Variants in TRPM3 observed in about 807,000 individuals in gnomAD.
TRPM3 encodes the protein long transient receptor potential channel 3.
TRPM3 carries 77 observed loss-of-function variants against 181.2 expected under a neutral mutation model. That is an observed-to-expected ratio of 0.42 (90% CI 0.35 to 0.51). The LOEUF is 0.51. Among genes scored for constraint, TRPM3 ranks in the 20% least tolerant of loss-of-function variants. The pLI is 0.01. For missense variants in TRPM3, 1,759 were observed against 2,196.7 expected (o/e 0.80, Z 3.98); for synonymous variants, 745 against 796.4 (o/e 0.94, Z 1.09).
chr9:71,326,995 A>G (rs2089735483), intron 1 of TRPM3, among the ~76,000 whole-genome samples: 1 of 152,130 alleles, frequency 6.6e-6, no homozygotes, highest in Admixed American at 6.5e-5. Flanking sequence ...TCTCTAGATA[A>G]GGCTGCATGG....
chr9:71,441,635 T>C (rs1240424597), intron 1 of TRPM3, among the ~76,000 whole-genome samples: 1 of 151,160 alleles, frequency 6.6e-6, no homozygotes, highest in East Asian at 1.9e-4. Context: ...CTCGGCTTTT[T>C]TTTTTTTTTT....
rs145767797 is a variant in TRPM3 at position 71,007,239 on chromosome 9, G to A, written c.177+113939C>T. On this transcript the variant is annotated intron_variant, in intron 1 of 25. Transcript: ENST00000677713. ...AAATATTAACAGACCTAAAAGGAGA[G>A]ATTGACTATAAAACACTAACAGTGT... is the stretch of plus-strand genomic sequence containing the variant. 2.0e-3 allele frequency among the ~76,000 whole-genome samples: 306 copies of A among 151,614 alleles called. 2 individuals are homozygous for A. The highest frequency in any genetic ancestry group is 7.2e-3 in the African/African-American group (298 of 41,386).
intron 1 of TRPM3, among the ~76,000 whole-genome samples, chr9:70,897,879 A>T (rs1479957152): frequency 6.6e-6 from 1 of 152,220 alleles, no homozygotes; most frequent in African/African-American, 2.4e-5. Context: ...GAAGGGTCAG[A>T]CTGGTAAATT....
In TRPM3 at chr9:70,618,872, G is replaced by C; in HGVS notation, c.2353C>G (p.Leu785Val). 6.2e-7 allele frequency: 1 copy of C among 1,605,260 alleles called. No individual in the cohort carries two copies. The highest frequency in any genetic ancestry group is 8.5e-7 in the Non-Finnish European group (1 of 1,179,936). ...GRLRMRKNSG[L>V]KVILGILLPP... ...GCCTTATTGGGCGCCCTGACCTTGA[G>C]GCCTGAGTTCTTGCGCATGCGGAGC... Residue 785 changes from leucine (L) to valine (V), a missense_variant, in exon 17 of 26, where the codon CTC (leucine) becomes GTC (valine). Transcript: ENST00000677713.
chr9:70,764,670 G>A (rs971730177), intron 7 of TRPM3, among the ~76,000 whole-genome samples: 3 of 152,134 alleles, frequency 2.0e-5, no homozygotes, highest in Non-Finnish European at 4.4e-5. Context: ...TTCTAGAAGT[G>A]GAAGGATTCT....
At chr9:70,805,590 A>C (rs1346596352) in intron 6 of TRPM3, among the ~76,000 whole-genome samples, 1 of 151,794 alleles carries the variant, frequency 6.6e-6, no homozygotes, top group African/African-American at 2.4e-5. Context: ...ACCAGGTGGA[A>C]AGGGTCTTGG....
intron 1 of TRPM3, among the ~76,000 whole-genome samples, chr9:71,104,835 T>C (rs76577919): frequency 6.6e-6 from 1 of 152,228 alleles, no homozygotes; most frequent in African/African-American, 2.4e-5. Context: ...AAAAAGACAA[T>C]GCCAACTGGT....
chr9:71,141,914 G>T (rs1302855715), intron 1 of TRPM3, among the ~76,000 whole-genome samples: 1 of 151,988 alleles, frequency 6.6e-6, no homozygotes, highest in African/African-American at 2.4e-5. Context: ...TGTTTTGATT[G>T]CTTCTGAAAT....
At chr9:70,841,493 G>GAAAATA (rs572100193) in intron 5 of TRPM3, among the ~76,000 whole-genome samples, 1 of 150,244 alleles carries the variant, frequency 6.7e-6, no homozygotes, top group African/African-American at 2.4e-5. Flanking sequence ...TTTTATTAAG[G>GAAAATA]AAAATAAATC....
intron 8 of TRPM3, among the ~76,000 whole-genome samples, chr9:70,756,043 T>G (rs185329374): frequency 6.6e-6 from 1 of 151,994 alleles, no homozygotes; most frequent in Admixed American, 6.6e-5. Context: ...CTCATCGGTA[T>G]GCTGTATTCT....
intron 1 of TRPM3, among the ~76,000 whole-genome samples, chr9:71,158,429 T>C (rs1362654521): frequency 6.6e-6 from 1 of 152,170 alleles, no homozygotes; most frequent in African/African-American, 2.4e-5. Flanking sequence ...CCACTAGCTG[T>C]AGACCTGTTA....
rs184955936 is a variant in TRPM3 at position 71,021,287 on chromosome 9, T to C, written c.177+99891A>G. Among the ~76,000 whole-genome samples, 14 of 152,306 alleles carry C rather than the reference T, an allele frequency of 9.2e-5. No individual in the cohort carries two copies. In the East Asian group the frequency reaches 2.1e-3, roughly 23 times the overall value. On this transcript the variant is annotated intron_variant, in intron 1 of 25. Transcript: ENST00000677713. ...GGAGGTGCTGGTATTGTTTTATTTA[T>C]GGTGAAAACTTATTAAGCTATGCAG...
intron 1 of TRPM3, among the ~76,000 whole-genome samples, chr9:71,006,854 G>T (rs1721744217): frequency 1.5e-5 from 2 of 134,836 alleles, no homozygotes; most frequent in African/African-American, 2.8e-5. Flanking sequence ...CTGGGCGACA[G>T]AGCGAGACTC....
chr9:70,630,310 A>G (rs1024579237), intron 12 of TRPM3, among the ~76,000 whole-genome samples: 2 of 152,222 alleles, frequency 1.3e-5, no homozygotes, highest in African/African-American at 2.4e-5. Context: ...CTGTATGACC[A>G]CTACTTGGCA....
intron 7 of TRPM3, among the ~76,000 whole-genome samples, chr9:70,768,106 C>T (rs1016755561): frequency 1.3e-5 from 2 of 152,156 alleles, no homozygotes; most frequent in Non-Finnish European, 2.9e-5. Context: ...ATAAACTGCT[C>T]TTTTCCATAT....
intron 12 of TRPM3, among the ~76,000 whole-genome samples, chr9:70,630,284 A>G (rs11142518): frequency 0.16 from 24,809 of 152,216 alleles, 2,577 homozygotes; most frequent in East Asian, 0.4. Context: ...GATTCTGTCT[A>G]TTTCTAAAAA....
At chr9:71,258,451 A>T (rs1588163236) in intron 1 of TRPM3, among the ~76,000 whole-genome samples, 1 of 152,166 alleles carries the variant, frequency 6.6e-6, no homozygotes. Flanking sequence ...TCTATCATTT[A>T]TATTTTTTTA....
chr9:70,619,301 A>G (rs1321461479), intron 16 of TRPM3, among the ~76,000 whole-genome samples: 3 of 152,022 alleles, frequency 2.0e-5, no homozygotes, highest in African/African-American at 7.2e-5. Context: ...TGGGGGTATA[A>G]GTCAAACAAT....
At chr9:71,315,640 A>G (rs1047838151) in intron 1 of TRPM3, among the ~76,000 whole-genome samples, 5 of 152,212 alleles carry the variant, frequency 3.3e-5, no homozygotes, top group South Asian at 2.1e-4. Flanking sequence ...ATTTATTAAA[A>G]TCAATTTAAG....
Sources: gnomAD v4.1 joint callset for allele counts (sites outside exome capture counted in the v4.1 genomes callset) on GRCh38, gnomAD v4.1.1 for gene constraint, MANE v1.5 for transcripts, NCBI Gene and HGNC (gene_info 2026-07-23, HGNC 2026-07-21) for gene names.